Variants in PRKCZ observed in about 807,000 individuals in gnomAD.
The protein encoded by PRKCZ is protein kinase C zeta.
In PRKCZ, 33 loss-of-function variants were observed where a neutral mutation model predicts 79.5. That is an observed-to-expected ratio of 0.41 (90% CI 0.31 to 0.55). PRKCZ has a LOEUF of 0.55. Among genes scored for constraint, PRKCZ ranks in the 20% least tolerant of loss-of-function variants. PRKCZ has a pLI of 0.19. For synonymous variants in PRKCZ, 342 were observed against 320.9 expected, an observed-to-expected ratio of 1.07 and a Z score of -0.70; for missense variants, 578 against 813.5, an observed-to-expected ratio of 0.71 and a Z score of 3.52.
chr1:2,166,093 G>C (rs141634573), intron 10 of PRKCZ, among the ~76,000 whole-genome samples: 117 of 152,300 alleles, frequency 7.7e-4, no homozygotes, highest in African/African-American at 2.7e-3. Context: ...ATCCATTTTT[G>C]CTGGCGTTCT....
intron 4 of PRKCZ, among the ~76,000 whole-genome samples, chr1:2,115,389 G>C (rs1397366898): frequency 1.3e-5 from 2 of 152,262 alleles, no homozygotes; most frequent in Non-Finnish European, 2.9e-5. Flanking sequence ...GGAGTTTCCG[G>C]GAAACAGACG....
At chr1:2,103,445 G>A (rs1571391385) in intron 4 of PRKCZ, among the ~76,000 whole-genome samples, 1 of 151,912 alleles carries the variant, frequency 6.6e-6, no homozygotes, top group Admixed American at 6.5e-5. Flanking sequence ...CCAGTGGCGC[G>A]TGTGCCTCGG....
chr1:2,096,368 G>A (rs1666511582), intron 4 of PRKCZ, among the ~76,000 whole-genome samples: 1 of 152,092 alleles, frequency 6.6e-6, no homozygotes, highest in Admixed American at 6.5e-5. Context: ...AGGCAGCTGG[G>A]AGCACAGGTG....
intron 16 of PRKCZ, among the ~76,000 whole-genome samples, chr1:2,176,877 G>C (rs577257141): frequency 6.6e-6 from 1 of 152,360 alleles, no homozygotes; most frequent in South Asian, 2.1e-4. Context: ...CCAGAGCCCA[G>C]CTGGGCTGCT....
At chr1:2,118,754 T>TGTGTGTGTGTGTGA (rs1440503754) in intron 4 of PRKCZ, among the ~76,000 whole-genome samples, 1 of 135,964 alleles carries the variant, frequency 7.4e-6, no homozygotes, top group East Asian at 2.0e-4. Context: ...TGTGTGTGTG[T>TGTGTGTGTGTGTGA]GAGATGAGGG....
At chr1:2,119,425 G>A (rs1218700949) in intron 4 of PRKCZ, among the ~76,000 whole-genome samples, 1 of 152,074 alleles carries the variant, frequency 6.6e-6, no homozygotes, top group African/African-American at 2.4e-5. Context: ...ATATTGACCA[G>A]GCTGGTATCG....
intron 9 of PRKCZ, among the ~76,000 whole-genome samples, chr1:2,152,752 C>T (rs528063432): frequency 3.3e-5 from 5 of 152,352 alleles, no homozygotes; most frequent in Admixed American, 2.0e-4. Context: ...CTTGACAGAA[C>T]GGAGTTGTGT....
At chr1:2,146,160 G>C (rs1163421244) in intron 7 of PRKCZ, 52 bp downstream of exon 7, 2 of 1,517,690 alleles carry the variant, frequency 1.3e-6, no homozygotes. Flanking sequence ...ACCTCACCCT[G>C]CTCACCTCTG....
chr1:2,141,284 C>T (rs1677252082), intron 5 of PRKCZ: 1 of 151,668 alleles, frequency 6.6e-6, no homozygotes, highest in Non-Finnish European at 1.5e-5. Context: ...GTAAGGGTGG[C>T]TCCCCACGGA....
Position 2,082,417 on chromosome 1 carries a change from C to T in PRKCZ, c.334+22826C>T, listed in dbSNP as rs1442509847. ...TTTGTGTTTATTTATTTATCTTGGC[C>T]AGCAGAGAGAATTGAGTTTGCATGG... On this transcript the variant is annotated intron_variant, in intron 4 of 17. Transcript: ENST00000378567. This position sits in a 1 kb window ranked among gnomAD's most constrained non-coding sequence, Gnocchi z 4.4. 11 of 456,300 alleles carry T rather than the reference C, an allele frequency of 2.4e-5. No homozygotes were observed. Among genetic ancestry groups the T allele is most frequent in the South Asian group, 1.4e-4 (9 of 64,570 alleles). The allele number at this position is 456,300 out of a possible 1,614,324, so 28.3% of individuals were successfully genotyped here. A position where few individuals can be genotyped will look rare whatever the true frequency, so the allele number is the denominator to read the frequency against.
chr1:2,080,647 A>G (rs1255136334), intron 4 of PRKCZ, among the ~76,000 whole-genome samples: 1 of 152,172 alleles, frequency 6.6e-6, no homozygotes, highest in Non-Finnish European at 1.5e-5. Context: ...TGGTCAGCGT[A>G]ATGCGTGAGT....
intron 4 of PRKCZ, among the ~76,000 whole-genome samples, chr1:2,112,265 A>T (rs1402404287): frequency 6.6e-6 from 1 of 152,224 alleles, no homozygotes; most frequent in Non-Finnish European, 1.5e-5. Context: ...ATGTGTAGAC[A>T]TGATCCTTAT....
At chr1:2,109,070 CGTG>C (rs1571444592) in intron 4 of PRKCZ, among the ~76,000 whole-genome samples, 1 of 152,328 alleles carries the variant, frequency 6.6e-6, no homozygotes, top group East Asian at 1.9e-4. Context: ...CCCGCAATGA[CGTG>C]GGCCCACCCA....
At chr1:2,065,834 A>G (rs1435405854) in intron 4 of PRKCZ, among the ~76,000 whole-genome samples, 1 of 152,024 alleles carries the variant, frequency 6.6e-6, no homozygotes, top group African/African-American at 2.4e-5. Context: ...GTTTCCTTCT[A>G]TTCCAAGTTT....
Position 2,122,712 on chromosome 1 carries a change from T to TGTGGTGGTTAGGGTC in PRKCZ, c.335-12530_335-12516dup, listed in dbSNP as rs1557619246. Among the ~76,000 whole-genome samples the TGTGGTGGTTAGGGTC allele has an allele frequency of 7.6e-4, 4 of 5,276 alleles. 1 individual carries two copies. The highest frequency in any genetic ancestry group is 1.1e-3 in the Non-Finnish European group (4 of 3,790). The allele number at this position is 5,276 out of a possible 152,430, so 3.5% of individuals were successfully genotyped here. A position where few individuals can be genotyped will look rare whatever the true frequency, so the allele number is the denominator to read the frequency against. ...TGGTTAGGGTTGTGGTGGTTAGGGT[T>TGTGGTGGTTAGGGTC]GTGGTGGTTAGGGTCGTGGTGGTTA... On this transcript the variant is annotated intron_variant, in intron 4 of 17. Transcript: ENST00000378567.
At chr1:2,114,645 A>G (rs960908198) in intron 4 of PRKCZ, among the ~76,000 whole-genome samples, 3 of 152,086 alleles carry the variant, frequency 2.0e-5, no homozygotes, top group African/African-American at 7.2e-5. Flanking sequence ...GTGGTGGTGG[A>G]CACCTGTAGT....
chr1:2,182,436 CTGTT>C (rs1370746284), intron 16 of PRKCZ: 2 of 155,358 alleles, frequency 1.3e-5, no homozygotes, highest in Non-Finnish European at 2.9e-5. Context: ...CAGGGTGCAT[CTGTT>C]TGGGTATGCT....
At chr1:2,072,385 G>A (rs1013387054) in intron 4 of PRKCZ, among the ~76,000 whole-genome samples, 3 of 152,258 alleles carry the variant, frequency 2.0e-5, no homozygotes, top group Non-Finnish European at 4.4e-5. Context: ...TGAGAAGGTC[G>A]TTTATTACTC....
intron 1 of PRKCZ, among the ~76,000 whole-genome samples, chr1:2,053,820 G>A (rs1176658286): frequency 1.3e-5 from 2 of 152,262 alleles, no homozygotes; most frequent in Non-Finnish European, 2.9e-5. Flanking sequence ...ACCCCAGGGT[G>A]ATGGGTGTGT....
Sources: gnomAD v4.1 joint callset for allele counts (sites outside exome capture counted in the v4.1 genomes callset) on GRCh38, gnomAD v4.1.1 for gene constraint, Gnocchi (gnomAD v3.1) non-coding constraint, MANE v1.5 for transcripts, NCBI Gene and HGNC (gene_info 2026-07-23, HGNC 2026-07-21) for gene names.